ST7: variants seen among roughly 807,000 people sequenced by gnomAD.
ST7 encodes suppressor of tumorigenicity 7 protein.
Under a neutral mutation model 78.7 loss-of-function variants are expected in ST7, and 28 were observed. That is an observed-to-expected ratio of 0.36 (90% CI 0.26 to 0.49). The LOEUF is 0.49. Ranked by LOEUF, ST7 falls within the 20% of genes least tolerant of loss-of-function variation. ST7 has a pLI of 0.99. For synonymous variants in ST7, 247 were observed against 249.6 expected (o/e 0.99, Z 0.10); for missense variants, 418 against 696.0 (o/e 0.60, Z 4.49).
intron 1 of ST7, among the ~76,000 whole-genome samples, chr7:117,092,764 T>A (rs746760604): frequency 6.6e-6 from 1 of 152,206 alleles, no homozygotes. Context: ...GTAATGTGCT[T>A]TCTATAGAAA....
At chr7:117,096,610 C>T (rs958848206) in intron 1 of ST7, among the ~76,000 whole-genome samples, 2 of 152,168 alleles carry the variant, frequency 1.3e-5, no homozygotes, top group Non-Finnish European at 2.9e-5. Flanking sequence ...TGCTCAGCCT[C>T]CAGCCGCAAG....
chr7:117,007,975 T>G (rs1795222508), intron 1 of ST7, among the ~76,000 whole-genome samples: 1 of 152,208 alleles, frequency 6.6e-6, no homozygotes, highest in African/African-American at 2.4e-5. Context: ...GTGTTAAAAC[T>G]GTAAGAATCT....
intron 1 of ST7, among the ~76,000 whole-genome samples, chr7:117,036,643 G>C (rs927038221): frequency 3.3e-5 from 5 of 152,148 alleles, no homozygotes; most frequent in Admixed American, 2.0e-4. Flanking sequence ...AGGAAGCAGG[G>C]ACAGGGGCAT....
chr7:116,980,146 A>G (rs1411617756), intron 1 of ST7, among the ~76,000 whole-genome samples: 1 of 150,922 alleles, frequency 6.6e-6, no homozygotes, highest in Non-Finnish European at 1.5e-5. Flanking sequence ...TTTAGTAGAG[A>G]CGGAGTTTCG....
Position 117,209,893 on chromosome 7 carries a change from G to C in ST7, c.1361G>C (p.Arg454Thr), listed in dbSNP as rs1792143875. 1 of 1,614,148 alleles carries C rather than the reference G, an allele frequency of 6.2e-7. No homozygotes were observed. Among genetic ancestry groups the C allele is most frequent in the Non-Finnish European group, 8.5e-7 (1 of 1,180,014 alleles). The change falls in exon 13 of 16, where the codon AGA becomes ACA. Residue 454 changes from arginine (R) to threonine (T), a missense_variant. By Grantham distance (71) the Arg-to-Thr change is moderately conservative. This residue lies in a region of ST7 where 288 missense variants were observed against 537.1 expected (regional missense o/e 0.54). Transcript: ENST00000323984. The part of the protein sequence containing the change: ...YAFFHLAHWK[R>T]VEGALNLLHC... ...TTCTTTCATCTTGCACACTGGAAGA[G>C]AGTGGAAGGGGCTTTGAATCTTTTG...
At position 117,102,333 on chromosome 7, in the gene ST7, G is replaced by A. The variant is rs545433767; in HGVS notation, c.234+2489G>A. Among the ~76,000 whole-genome samples the A allele has an allele frequency of 6.6e-5, 10 of 152,244 alleles. No individual in the cohort carries two copies. The South Asian group carries it at 2.1e-3, about 32-fold the overall frequency. On this transcript the variant is annotated intron_variant, in intron 2 of 15. Coordinates refer to ENST00000323984, the MANE Select transcript of ST7 (RefSeq NM_001369598.1). Reference sequence around the variant, plus strand: ...AATTTACTTCTACTTAACCTGTTGAGGAACAACGTAAATTGTCCAAATGGG... The same window carrying A: ...AATTTACTTCTACTTAACCTGTTGAAGAACAACGTAAATTGTCCAAATGGG...
chr7:117,037,862 G>T (rs961761048), intron 1 of ST7, among the ~76,000 whole-genome samples: 5 of 152,080 alleles, frequency 3.3e-5, no homozygotes, highest in Non-Finnish European at 7.4e-5. Context: ...TTAAATCTGC[G>T]GTGAAATAAT....
chr7:117,218,791 A>G (rs1048040415), intron 13 of ST7, among the ~76,000 whole-genome samples: 2 of 152,214 alleles, frequency 1.3e-5, no homozygotes, highest in African/African-American at 4.8e-5. Context: ...AATAATATTT[A>G]GTAGATGATG....
chr7:117,217,159 G>A (rs771142931), intron 13 of ST7, among the ~76,000 whole-genome samples: 1 of 151,938 alleles, frequency 6.6e-6, no homozygotes, highest in African/African-American at 2.4e-5. Context: ...CTTCAATTTT[G>A]AATAAAATTT....
intron 13 of ST7, among the ~76,000 whole-genome samples, chr7:117,217,968 C>T (rs1792818345): frequency 6.6e-6 from 1 of 152,202 alleles, no homozygotes; most frequent in African/African-American, 2.4e-5. Flanking sequence ...TGCACTGATG[C>T]TGGTTACAAT....
intron 15 of ST7, among the ~76,000 whole-genome samples, chr7:117,227,517 GTC>G (rs1293740738): frequency 6.6e-6 from 1 of 152,184 alleles, no homozygotes; most frequent in African/African-American, 2.4e-5. Context: ...AGCCTTGGTA[GTC>G]TCTGATTATA....
At chr7:116,991,926 C>T (rs533239686) in intron 1 of ST7, among the ~76,000 whole-genome samples, 30 of 152,116 alleles carry the variant, frequency 2.0e-4, no homozygotes, top group African/African-American at 7.0e-4. Context: ...AGGGCCCAAC[C>T]AAGTCTAAAA....
chr7:117,130,448 T>G, intron 4 of ST7, 43 bp from the exon 5 acceptor site: 1 of 1,446,386 alleles, frequency 6.9e-7, no homozygotes, highest in Non-Finnish European at 9.6e-7. Context: ...GGTCTTGCTT[T>G]TCTCTCTCAA....
At chr7:116,993,736 GA>G (rs1794527008) in intron 1 of ST7, among the ~76,000 whole-genome samples, 1 of 152,224 alleles carries the variant, frequency 6.6e-6, no homozygotes, top group Admixed American at 6.5e-5. Flanking sequence ...AGAGCTAGGG[GA>G]AATAGAGTTT....
At chr7:116,982,081 A>C (rs1793984562) in intron 1 of ST7, among the ~76,000 whole-genome samples, 1 of 152,336 alleles carries the variant, frequency 6.6e-6, no homozygotes, top group South Asian at 2.1e-4. Flanking sequence ...TTTCAGTTCC[A>C]CTTTAATCTT....
At chr7:117,050,791 G>A (rs558520365) in intron 1 of ST7, among the ~76,000 whole-genome samples, 5 of 152,160 alleles carry the variant, frequency 3.3e-5, no homozygotes, top group East Asian at 3.9e-4. Flanking sequence ...TTAGCTGGGC[G>A]TGATGGCGCA....
At chr7:116,984,885 T>C (rs1794126315) in intron 1 of ST7, among the ~76,000 whole-genome samples, 1 of 152,230 alleles carries the variant, frequency 6.6e-6, no homozygotes, top group East Asian at 1.9e-4. Flanking sequence ...GATTTAGTCA[T>C]GACGTGATTA....
At chr7:117,055,401 G>A (rs1022977274) in intron 1 of ST7, among the ~76,000 whole-genome samples, 4 of 151,868 alleles carry the variant, frequency 2.6e-5, no homozygotes, top group African/African-American at 4.8e-5. Context: ...ACAGGGTTTC[G>A]CCTTGTTAGC....
chr7:117,179,546 A>T (rs1422405106), intron 10 of ST7, among the ~76,000 whole-genome samples: 2 of 152,320 alleles, frequency 1.3e-5, no homozygotes, highest in East Asian at 3.9e-4. Context: ...TCTGAACTGG[A>T]CAGCAAAGGT....
Sources: gnomAD v4.1 joint callset for allele counts (sites outside exome capture counted in the v4.1 genomes callset) on GRCh38, gnomAD v4.1.1 for gene constraint, gnomAD v4.1.1 regional missense constraint, MANE v1.5 for transcripts, NCBI Gene and HGNC (gene_info 2026-07-23, HGNC 2026-07-21) for gene names.